Variants in KSR2 observed in about 807,000 individuals in gnomAD.
The protein encoded by KSR2 is kinase suppressor of ras 2.
KSR2 carries 25 observed loss-of-function variants against 107.8 expected under a neutral mutation model. That is an observed-to-expected ratio of 0.23 (90% confidence interval 0.17 to 0.32). KSR2 has a LOEUF of 0.32. Among genes scored for constraint, KSR2 ranks in the 10% least tolerant of loss-of-function variants. KSR2 has a pLI of 1.00. For missense variants in KSR2, 887 were observed against 1,268.9 expected (o/e 0.70, Z 4.57); for synonymous variants, 480 against 507.0 (o/e 0.95, Z 0.71).
intron 4 of KSR2, among the ~76,000 whole-genome samples, chr12:117,673,408 C>T (rs193242704): frequency 3.3e-4 from 49 of 149,512 alleles, no homozygotes; most frequent in African/African-American, 1.1e-3. Context: ...GACAGAAGAA[C>T]GGATAAAGGA....
chr12:117,714,886 G>A (rs528332259), intron 4 of KSR2, among the ~76,000 whole-genome samples: 4 of 152,284 alleles, frequency 2.6e-5, no homozygotes. Flanking sequence ...AATCTCAGCA[G>A]TGCCAAGGTT....
At chr12:117,686,888 C>G (rs1486899649) in intron 4 of KSR2, among the ~76,000 whole-genome samples, 1 of 152,170 alleles carries the variant, frequency 6.6e-6, no homozygotes, top group African/African-American at 2.4e-5. Context: ...GAAATCCACG[C>G]ATCAGAGCCC....
chr12:117,898,564 C>T (rs1894586195), intron 1 of KSR2, among the ~76,000 whole-genome samples: 1 of 152,250 alleles, frequency 6.6e-6, no homozygotes. Context: ...AAGTGATCCA[C>T]CTGCCTCAGC....
intron 4 of KSR2, among the ~76,000 whole-genome samples, chr12:117,752,774 T>A (rs887243431): frequency 6.6e-6 from 1 of 152,244 alleles, no homozygotes; most frequent in Non-Finnish European, 1.5e-5. Context: ...ACATTTAAAA[T>A]ATAATTCAGT....
At chr12:117,813,264 A>G (rs1891263328) in intron 3 of KSR2, among the ~76,000 whole-genome samples, 1 of 152,182 alleles carries the variant, frequency 6.6e-6, no homozygotes, top group African/African-American at 2.4e-5. Context: ...ACAGGCAACA[A>G]AAGCAAAAAA....
chr12:117,840,688 G>A (rs117775268), intron 3 of KSR2, among the ~76,000 whole-genome samples: 7,289 of 151,682 alleles, frequency 0.048, 222 homozygotes, highest in Non-Finnish European at 0.069. Flanking sequence ...AAGCCACCAC[G>A]CCTGTCCCCA....
At chr12:117,540,030 G>A in intron 9 of KSR2, 143 bp from the exon 10 acceptor site, 1 of 653,614 alleles carries the variant, frequency 1.5e-6, no homozygotes, top group South Asian at 2.2e-5. Flanking sequence ...TCCTTCCGAA[G>A]TCCCTCCCGC....
At chr12:117,595,351 C>CTTTTTTTTTTTTTTTTTTTTTTTTTTT (rs71099060) in intron 5 of KSR2, among the ~76,000 whole-genome samples, 2 of 94,584 alleles carry the variant, frequency 2.1e-5, no homozygotes, top group Non-Finnish European at 3.8e-5. Context: ...AGATCAAATT[C>CTTTTTTTTTTTTTTTTTTTTTTTTTTT]TTTTTTTTTT....
intron 10 of KSR2, among the ~76,000 whole-genome samples, chr12:117,532,194 C>T (rs1252861467): frequency 6.6e-6 from 1 of 152,182 alleles, no homozygotes; most frequent in African/African-American, 2.4e-5. Flanking sequence ...TAAAACAACA[C>T]AAATGTATCC....
chr12:117,678,576 G>A (rs992945729), intron 4 of KSR2, among the ~76,000 whole-genome samples: 3 of 152,192 alleles, frequency 2.0e-5, no homozygotes, highest in African/African-American at 7.2e-5. Flanking sequence ...CCTGAGAGGT[G>A]TTACCTGCAT....
intron 7 of KSR2, among the ~76,000 whole-genome samples, chr12:117,560,336 CTT>C (rs1878023280): frequency 6.6e-6 from 1 of 152,026 alleles, no homozygotes; most frequent in South Asian, 2.1e-4. Context: ...CAGTTTTTCT[CTT>C]GTTTGGTCTT....
chr12:117,867,654 T>C (rs1265868005), intron 1 of KSR2, among the ~76,000 whole-genome samples: 2 of 152,214 alleles, frequency 1.3e-5, no homozygotes, highest in East Asian at 1.9e-4. Context: ...AGAGACTACA[T>C]GGTGCAGAGT....
chr12:117,663,843 C>T (rs1214098476), intron 5 of KSR2, among the ~76,000 whole-genome samples: 1 of 152,120 alleles, frequency 6.6e-6, no homozygotes, highest in Admixed American at 6.5e-5. Context: ...TACAAGGAGC[C>T]CACGAGCTTG....
intron 1 of KSR2, among the ~76,000 whole-genome samples, chr12:117,862,761 G>A (rs368920070): frequency 7.5e-6 from 1 of 133,382 alleles, no homozygotes; most frequent in Non-Finnish European, 1.5e-5. Flanking sequence ...ACGGAGTCTC[G>A]CTCTGTCGCC....
intron 1 of KSR2, among the ~76,000 whole-genome samples, chr12:117,900,244 C>T (rs1291504606): frequency 1.3e-5 from 2 of 152,188 alleles, no homozygotes; most frequent in African/African-American, 4.8e-5. Context: ...TTACTCAATA[C>T]CCAACAAAGA....
At chr12:117,920,337 C>A (rs2137457642) in intron 1 of KSR2, among the ~76,000 whole-genome samples, 1 of 151,342 alleles carries the variant, frequency 6.6e-6, no homozygotes, top group African/African-American at 2.4e-5. Context: ...TGGGCTCAAA[C>A]AATCTCCCTG....
At chr12:117,873,172 C>T (rs916983763) in intron 1 of KSR2, among the ~76,000 whole-genome samples, 3 of 151,962 alleles carry the variant, frequency 2.0e-5, no homozygotes, top group Non-Finnish European at 2.9e-5. Flanking sequence ...TGGTGAAACC[C>T]CATCTCTACT....
intron 7 of KSR2, among the ~76,000 whole-genome samples, chr12:117,567,917 C>T (rs1425020015): frequency 4.6e-5 from 7 of 151,572 alleles, no homozygotes; most frequent in Non-Finnish European, 8.8e-5. Context: ...TGAGCCAGTG[C>T]TTCTAGAAAT....
rs552129013 is a variant in KSR2, at chr12:117,963,465, T to A, written c.180+4611A>T. 2.6e-5 allele frequency among the ~76,000 whole-genome samples: 4 copies of A among 152,042 alleles called. No individual in the cohort carries two copies. The South Asian group carries it at 8.3e-4, about 32-fold the overall frequency. ...AAAAATACAAAAAATTAGCCAAGCGTGGTGGTGCATACCTGTAGTCCCAGC... is the reference window on the plus strand; with the variant it reads ...AAAAATACAAAAAATTAGCCAAGCGAGGTGGTGCATACCTGTAGTCCCAGC... On this transcript the variant is annotated intron_variant, in intron 1 of 19. Coordinates refer to ENST00000339824, the MANE Select transcript of KSR2 (RefSeq NM_173598.6).
Sources: allele counts gnomAD v4.1 joint callset (sites outside exome capture counted in the v4.1 genomes callset), GRCh38; gene constraint gnomAD v4.1.1; transcripts MANE v1.5; gene names NCBI Gene and HGNC (gene_info 2026-07-23, HGNC 2026-07-21).